Variants in TSHZ2 observed in about 807,000 individuals in gnomAD.
The protein encoded by TSHZ2 is teashirt homolog 2.
Under a neutral mutation model 74.4 loss-of-function variants are expected in TSHZ2, and 21 were observed. The ratio of observed to expected loss-of-function variants is 0.28; its 90% CI spans 0.20 to 0.41. TSHZ2 has a LOEUF of 0.41. TSHZ2 is among the 10% of genes least tolerant of loss of function. The pLI is 1.00. For synonymous variants in TSHZ2, 540 were observed against 515.3 expected (o/e 1.05, Z -0.65); for missense variants, 1,244 against 1,293.5 (o/e 0.96, Z 0.59).
chr20:53,475,621 A>T (rs1367250904), intron 2 of TSHZ2, among the ~76,000 whole-genome samples: 4 of 127,000 alleles, frequency 3.1e-5, no homozygotes, highest in African/African-American at 1.3e-4. Context: ...GAGCAAACAC[A>T]TTCAAAAGCT....
intron 1 of TSHZ2, among the ~76,000 whole-genome samples, chr20:52,997,298 G>A (rs1568711477): frequency 7.0e-6 from 1 of 143,352 alleles, no homozygotes. Context: ...CTGGTTTCTC[G>A]ATGCTCATCT....
chr20:53,192,446 A>G (rs1056882137), intron 1 of TSHZ2, among the ~76,000 whole-genome samples: 5 of 152,180 alleles, frequency 3.3e-5, no homozygotes, highest in Non-Finnish European at 7.3e-5. Context: ...AGAGTAAAAA[A>G]GAAAGGGAGA....
chr20:53,040,595 G>T (rs945030813), intron 1 of TSHZ2, among the ~76,000 whole-genome samples: 2 of 151,828 alleles, frequency 1.3e-5, no homozygotes, highest in African/African-American at 4.8e-5. Flanking sequence ...TCTGTCCCTG[G>T]CCACGTGTTC....
chr20:53,423,483 CAT>C (rs1983551769), intron 2 of TSHZ2, among the ~76,000 whole-genome samples: 1 of 152,194 alleles, frequency 6.6e-6, no homozygotes, highest in African/African-American at 2.4e-5. Context: ...GCATGGATCA[CAT>C]ATTTTTTCTG....
At chr20:53,413,287 A>G (rs1303639063) in intron 2 of TSHZ2, among the ~76,000 whole-genome samples, 2 of 152,226 alleles carry the variant, frequency 1.3e-5, no homozygotes, top group Admixed American at 1.3e-4. Flanking sequence ...TTTCACTTTC[A>G]GTCACTTTGC....
chr20:53,470,737 C>T (rs13433343), intron 2 of TSHZ2, among the ~76,000 whole-genome samples: 29,949 of 151,854 alleles, frequency 0.2, 3,112 homozygotes, highest in African/African-American at 0.27. Flanking sequence ...CGCTTGAACC[C>T]GGGAGGCAGA....
chr20:53,147,956 T>C (rs1163659357), intron 1 of TSHZ2, among the ~76,000 whole-genome samples: 1 of 152,170 alleles, frequency 6.6e-6, no homozygotes, highest in Non-Finnish European at 1.5e-5. Context: ...CCTTGCGATC[T>C]GCCCGCCTCA....
chr20:53,125,625 C>T (rs1436228221), intron 1 of TSHZ2, among the ~76,000 whole-genome samples: 4 of 152,040 alleles, frequency 2.6e-5, no homozygotes, highest in Admixed American at 6.6e-5. Flanking sequence ...GGCAACCCCC[C>T]GGTGATCTGC....
chr20:53,083,662 T>C (rs915321209), intron 1 of TSHZ2, among the ~76,000 whole-genome samples: 6 of 152,224 alleles, frequency 3.9e-5, no homozygotes, highest in Non-Finnish European at 7.4e-5. Context: ...CTGCAAATTA[T>C]TTAACTAATT....
chr20:52,988,978 A>C (rs1981874919), intron 1 of TSHZ2, among the ~76,000 whole-genome samples: 1 of 152,026 alleles, frequency 6.6e-6, no homozygotes, highest in Non-Finnish European at 1.5e-5. Flanking sequence ...ATCTGCCCTC[A>C]CAGGTTTATG....
intron 2 of TSHZ2, among the ~76,000 whole-genome samples, chr20:53,467,943 A>T (rs1464343534): frequency 2.0e-5 from 3 of 152,246 alleles, no homozygotes; most frequent in Admixed American, 6.5e-5. Context: ...AATGCAACAG[A>T]GACGACAGGA....
In TSHZ2 at chr20:53,094,758, ATGGC is replaced by A. The variant is rs1985990020; in HGVS notation, c.40+121427_40+121430del. Among the ~76,000 whole-genome samples the A allele has an allele frequency of 2.0e-5, 3 of 152,140 alleles. No individual in the cohort carries two copies. In the South Asian group the frequency reaches 6.2e-4, roughly 32 times the overall value. On this transcript the variant is annotated intron_variant, in intron 1 of 2. Transcript: ENST00000371497. ...ACTCTTCACAAGATAGATGAAACCT[ATGGC>A]TCTCTGTACCTGTGCTTCCAGAAAT...
intron 2 of TSHZ2, among the ~76,000 whole-genome samples, chr20:53,344,205 CTCCTCCTCA>C: frequency 2.9e-5 from 1 of 34,980 alleles, no homozygotes; most frequent in South Asian, 1.1e-3. Context: ...CATCACCCTC[CTCCTCCTCA>C]TCATCATCAT....
intron 1 of TSHZ2, among the ~76,000 whole-genome samples, chr20:52,991,497 AGT>A (rs1308577543): frequency 2.2e-5 from 3 of 136,490 alleles, no homozygotes; most frequent in African/African-American, 8.6e-5. Flanking sequence ...AGGAGAAGAG[AGT>A]GTGAAAGCTT....
Position 53,188,671 on chromosome 20 carries a change from T to C in TSHZ2, c.41-64828T>C, listed in dbSNP as rs567585591. Among the ~76,000 whole-genome samples the C allele has an allele frequency of 3.3e-5, 5 of 152,316 alleles. No homozygotes were observed. In the East Asian group the frequency reaches 7.7e-4, roughly 23 times the overall value. On this transcript the variant is annotated intron_variant, in intron 1 of 2. Transcript: ENST00000371497. ...CCAAATAGGTATATAATTAAATATA[T>C]ATGTCTAGCTCCATCTTACACACAC...
chr20:53,458,724 AC>A (rs1224952372), intron 2 of TSHZ2, among the ~76,000 whole-genome samples: 2 of 151,116 alleles, frequency 1.3e-5, no homozygotes, highest in Non-Finnish European at 3.0e-5. Context: ...CCCTCTACAC[AC>A]TGCTTTGAAT....
chr20:53,269,807 A>AAAAG (rs1555844470), intron 2 of TSHZ2, among the ~76,000 whole-genome samples: 1 of 147,762 alleles, frequency 6.8e-6, no homozygotes, highest in African/African-American at 2.5e-5. Flanking sequence ...TAAAAAAAAA[A>AAAAG]GAAAAGAAAA....
intron 2 of TSHZ2, among the ~76,000 whole-genome samples, chr20:53,303,952 A>G (rs1978410737): frequency 6.6e-6 from 1 of 152,060 alleles, no homozygotes. Flanking sequence ...ACTTCCCTAG[A>G]GTTAACCCAA....
intron 2 of TSHZ2, among the ~76,000 whole-genome samples, chr20:53,470,813 A>AT (rs992769949): frequency 4.2e-5 from 6 of 143,534 alleles, no homozygotes; most frequent in Non-Finnish European, 7.6e-5. Context: ...AATCCATCTC[A>AT]AAAAAAATAA....
Sources: allele counts gnomAD v4.1 joint callset (sites outside exome capture counted in the v4.1 genomes callset), GRCh38; gene constraint gnomAD v4.1.1; transcripts MANE v1.5; gene names NCBI Gene and HGNC (gene_info 2026-07-23, HGNC 2026-07-21).